The following EFCC1 variants were observed in gnomAD, a reference collection of about 807,000 sequenced individuals.
EFCC1 encodes EF-hand and coiled-coil domain containing 1, also known as EF-hand and coiled-coil domain-containing protein 1.
EFCC1 carries 50 observed loss-of-function variants against 52.1 expected under a neutral mutation model. That is an observed-to-expected ratio of 0.96 (90% CI 0.76 to 1.21). The LOEUF (loss-of-function observed/expected upper bound fraction) is 1.21. Among genes scored for constraint, EFCC1 ranks in the 50% most tolerant of loss-of-function variants. The pLI is 0.00. For synonymous variants in EFCC1, 399 were observed against 396.5 expected (o/e 1.01, Z -0.08); for missense variants, 837 against 867.3 (o/e 0.97, Z 0.44).
rs544073626 is a variant in EFCC1, at chr3:129,027,130, A to AGGGGGTCTGCGGGAGAGG, written c.981-3573_981-3572insGGGGGTCTGCGGGAGAGG. Among the ~76,000 whole-genome samples, 210 of 152,254 alleles carry AGGGGGTCTGCGGGAGAGG rather than the reference A, an allele frequency of 1.4e-3. 2 individuals are homozygous for AGGGGGTCTGCGGGAGAGG. The highest frequency in any genetic ancestry group is 4.5e-3 in the African/African-American group (185 of 41,530). On this transcript the variant is annotated intron_variant, in intron 2 of 7. Coordinates refer to ENST00000683648, the MANE Select transcript of EFCC1 (RefSeq NM_001377500.1). Reference sequence around the variant, plus strand: ...CTCCGCGCCCTCAGGCAGTCAGCGAAACGCCGGAAACGCCTGCAGACGCCT... The same window carrying AGGGGGTCTGCGGGAGAGG: ...CTCCGCGCCCTCAGGCAGTCAGCGAAGGGGGTCTGCGGGAGAGGACGCCGGAAACGCCTGCAGACGCCT...
In EFCC1 at chr3:129,034,158, CTGCAGGTGTGA is replaced by C. The variant is rs1219269069; in HGVS notation, c.1287-3_1294del. On this transcript the variant is annotated splice_acceptor_variant and splice_polypyrimidine_tract_variant and coding_sequence_variant and intron_variant, in exon 5 of 8. Transcript: ENST00000683648. LOFTEE classifies it high-confidence loss of function. ...CCTGCAATGCGGGCCCTCTCCTTTGCTGCAGGTGTGATGACCAGACGGCGGAGAAGCTCATG... is the reference window on the plus strand; with the variant it reads ...CCTGCAATGCGGGCCCTCTCCTTTGCTGACCAGACGGCGGAGAAGCTCATG... 1 of 1,614,220 alleles carries C rather than the reference CTGCAGGTGTGA, an allele frequency of 6.2e-7. No individual in the cohort carries two copies. Among genetic ancestry groups the C allele is most frequent in the Admixed American group, 1.7e-5 (1 of 60,034 alleles).
chr3:129,007,707 G>A (rs1216850622), intron 2 of EFCC1, among the ~76,000 whole-genome samples: 1 of 152,160 alleles, frequency 6.6e-6, no homozygotes, highest in African/African-American at 2.4e-5. Context: ...AATTTAGACT[G>A]CGTTGAATTT....
intron 2 of EFCC1, among the ~76,000 whole-genome samples, chr3:129,024,056 T>G (rs1352005861): frequency 6.6e-6 from 1 of 152,224 alleles, no homozygotes; most frequent in Non-Finnish European, 1.5e-5. Context: ...TTCATTCATT[T>G]GACAAACCTT....
intron 2 of EFCC1, 47 bp downstream of exon 2, chr3:129,004,124 C>T: frequency 7.0e-7 from 1 of 1,420,700 alleles, no homozygotes; most frequent in South Asian, 1.4e-5. Flanking sequence ...AATTCGGCTC[C>T]CATTTTCCCA....
At chr3:129,003,449 G>C (rs1262853537) in intron 1 of EFCC1, 2 of 262,162 alleles carry the variant, frequency 7.6e-6, no homozygotes, top group South Asian at 1.5e-4. Flanking sequence ...ACCGCCACCC[G>C]GCAGGCTGAA....
intron 2 of EFCC1, among the ~76,000 whole-genome samples, chr3:129,017,909 A>C (rs1290464386): frequency 6.6e-6 from 1 of 152,174 alleles, no homozygotes; most frequent in Non-Finnish European, 1.5e-5. Flanking sequence ...AGTTAACCTC[A>C]GAGAAGTGAA....
intron 2 of EFCC1, among the ~76,000 whole-genome samples, chr3:129,019,304 T>C (rs546030209): frequency 2.0e-5 from 3 of 152,262 alleles, no homozygotes; most frequent in South Asian, 2.1e-4. Context: ...TTTTGGGTGA[T>C]GAAGACAGGG....
chr3:129,038,251 C>T (rs1454996424), intron 6 of EFCC1, among the ~76,000 whole-genome samples: 3 of 152,120 alleles, frequency 2.0e-5, no homozygotes, highest in African/African-American at 7.2e-5. Context: ...ATTGGGCTGC[C>T]TGGGACCCAG....
chr3:129,002,249 TAGC>T lies in EFCC1; in HGVS notation c.625_627del (p.Ser209del). 6.5e-7 allele frequency: 1 copy of T among 1,531,224 alleles called. No homozygotes were observed. The highest frequency in any genetic ancestry group is 8.7e-7 in the Non-Finnish European group (1 of 1,144,694). The allele number at this position is 1,531,224 out of a possible 1,614,324, so 94.9% of individuals were successfully genotyped here. A position where few individuals can be genotyped will look rare whatever the true frequency, so the allele number is the denominator to read the frequency against. Reference sequence around the variant, plus strand: ...GCGTTGCGCGGCTGGAGGAGGAGAATAGCAGCTTGCGCGAGTTGGTGGAGGACC... The same window carrying T: ...GCGTTGCGCGGCTGGAGGAGGAGAATAGCTTGCGCGAGTTGGTGGAGGACC... On this transcript the variant is annotated inframe_deletion, in exon 1 of 8. Coordinates refer to ENST00000683648, the MANE Select transcript of EFCC1 (RefSeq NM_001377500.1).
Position 129,014,626 on chromosome 3 carries a change from T to C in EFCC1, c.980+10549T>C, listed in dbSNP as rs1945489165. ...ATGAGGAGCTCTGGGGGTCTGGACA[T>C]CAACATATGAATTGGGGAGACACAA... is the stretch of plus-strand genomic sequence containing the variant. On this transcript the variant is annotated intron_variant, in intron 2 of 7. Transcript: ENST00000683648. The surrounding 1 kb of genome is among the most constrained non-coding windows in gnomAD (Gnocchi z 4.3). Among the ~76,000 whole-genome samples, 1 of 152,124 alleles carries C rather than the reference T, an allele frequency of 6.6e-6. No homozygotes were observed. Among genetic ancestry groups the C allele is most frequent in the African/African-American group, 2.4e-5 (1 of 41,392 alleles).
chr3:129,005,985 C>T (rs1257096536), intron 2 of EFCC1, among the ~76,000 whole-genome samples: 1 of 152,406 alleles, frequency 6.6e-6, no homozygotes, highest in South Asian at 2.1e-4. Flanking sequence ...CAAGTGACTA[C>T]AAACATTGGC....
At chr3:129,020,196 A>C (rs1945773388) in intron 2 of EFCC1, among the ~76,000 whole-genome samples, 1 of 152,180 alleles carries the variant, frequency 6.6e-6, no homozygotes, top group Admixed American at 6.5e-5. Flanking sequence ...TAAAATGAGA[A>C]ACAGAAAAGG....
chr3:129,037,255 G>A, intron 6 of EFCC1, 138 bp downstream of exon 6: 2 of 1,285,728 alleles, frequency 1.6e-6, no homozygotes, highest in Non-Finnish European at 2.0e-6. Context: ...TGCAGAAATG[G>A]AGGCTCAGAA....
At position 129,017,618 on chromosome 3, in the gene EFCC1, C is replaced by T. The variant is rs530860374; in HGVS notation, c.981-13085C>T. 2.0e-5 allele frequency among the ~76,000 whole-genome samples: 3 copies of T among 152,352 alleles called. No individual in the cohort carries two copies. The East Asian group carries it at 5.8e-4, about 29-fold the overall frequency. On this transcript the variant is annotated intron_variant, in intron 2 of 7. Transcript: ENST00000683648. ...ATTCCTTCACCCACATTGCTTTCAT[C>T]TTCCAGCCAGCAACGACCTGCCCCA... is the stretch of plus-strand genomic sequence containing the variant.
chr3:129,036,909 G>A, intron 5 of EFCC1, 68 bp from the exon 6 acceptor site: 1 of 1,609,576 alleles, frequency 6.2e-7, no homozygotes. Context: ...AGATGGAGTA[G>A]TTGATCCTGC....
At chr3:129,030,571 C>T (rs915942195) in intron 2 of EFCC1, 132 bp from the exon 3 acceptor site, 42 of 1,110,704 alleles carry the variant, frequency 3.8e-5, no homozygotes, top group Non-Finnish European at 4.8e-5. Flanking sequence ...CTAGCACTTC[C>T]TCCTGGACTG....
Position 129,040,301 on chromosome 3 carries a change from G to T in EFCC1, c.*453G>T. The T allele has an allele frequency of 6.1e-6, 1 of 162,830 alleles. No homozygotes were observed. The allele number at this position is 162,830 out of a possible 1,614,324, so 10.1% of individuals were successfully genotyped here. A position where few individuals can be genotyped will look rare whatever the true frequency, so the allele number is the denominator to read the frequency against. On this transcript the variant is annotated 3_prime_UTR_variant, in exon 8 of 8. Transcript: ENST00000683648. This position sits in a 1 kb window ranked among gnomAD's most constrained non-coding sequence, Gnocchi z 4.4. The stretch of plus-strand genomic sequence containing the variant: ...ACTGGGCCCAACCTTTGGGATACCT[G>T]GTCTGTAGGAAAGCACTCCACACCC...
At position 129,015,649 on chromosome 3, in the gene EFCC1, T is replaced by A. The variant is rs111728699; in HGVS notation, c.980+11572T>A. 1.0e-3 allele frequency among the ~76,000 whole-genome samples: 158 copies of A among 151,678 alleles called. 1 individual carries two copies. Among genetic ancestry groups the A allele is most frequent in the African/African-American group, 3.8e-3 (156 of 41,356 alleles). On this transcript the variant is annotated intron_variant, in intron 2 of 7. Transcript: ENST00000683648. ...TCCTGTTGCACCCTTCCCACCGCCATCCCCTGCTCAGTAAAGTTGGGGGGG... is the reference window on the plus strand; with the variant it reads ...TCCTGTTGCACCCTTCCCACCGCCAACCCCTGCTCAGTAAAGTTGGGGGGG...
chr3:129,029,611 T>C (rs1350039495), intron 2 of EFCC1, among the ~76,000 whole-genome samples: 1 of 151,456 alleles, frequency 6.6e-6, no homozygotes, highest in Non-Finnish European at 1.5e-5. Flanking sequence ...GGAGTCTGGC[T>C]CTGTTGCCCA....
Sources: gnomAD v4.1 joint callset for allele counts (sites outside exome capture counted in the v4.1 genomes callset) on GRCh38, gnomAD v4.1.1 for gene constraint, Gnocchi (gnomAD v3.1) non-coding constraint, MANE v1.5 for transcripts, NCBI Gene and HGNC (gene_info 2026-07-23, HGNC 2026-07-21) for gene names.